Variants in ZDHHC14 observed in about 807,000 individuals in gnomAD.
The protein encoded by ZDHHC14 is zDHHC palmitoyltransferase 14, also known as palmitoyltransferase ZDHHC14.
ZDHHC14 carries 16 observed loss-of-function variants against 47.7 expected under a neutral mutation model. That is an observed-to-expected ratio of 0.34 (90% confidence interval 0.23 to 0.51). ZDHHC14 has a LOEUF of 0.51. Ranked by LOEUF, ZDHHC14 falls within the 20% of genes least tolerant of loss-of-function variation. ZDHHC14 has a pLI of 0.97. For synonymous variants in ZDHHC14, 293 were observed against 278.9 expected, an observed-to-expected ratio of 1.05 and a Z score of -0.50; for missense variants, 515 against 662.5, an observed-to-expected ratio of 0.78 and a Z score of 2.44.
Position 157,504,707 on chromosome 6 carries a change from G to C in ZDHHC14, c.246-37878G>C, listed in dbSNP as rs531763302. ...GTTACAGGCGTGAGCCACCGCGCCC[G>C]GCCTGCATGGGCATATCTTAAAAAC... On this transcript the variant is annotated intron_variant, in intron 1 of 8. Transcript: ENST00000359775. 5.9e-5 allele frequency among the ~76,000 whole-genome samples: 9 copies of C among 151,878 alleles called. No individual in the cohort carries two copies. The East Asian group carries it at 1.7e-3, about 29-fold the overall frequency.
chr6:157,465,624 C>T (rs1583670505), intron 1 of ZDHHC14, among the ~76,000 whole-genome samples: 1 of 152,088 alleles, frequency 6.6e-6, no homozygotes, highest in South Asian at 2.1e-4. Flanking sequence ...AAGAAATCTT[C>T]AAGGTCAGTC....
chr6:157,415,817 T>C (rs1777962404), intron 1 of ZDHHC14, among the ~76,000 whole-genome samples: 1 of 150,910 alleles, frequency 6.6e-6, no homozygotes, highest in Non-Finnish European at 1.5e-5. Context: ...GAGATTGCCG[T>C]GAGCCGAGAT....
chr6:157,509,692 G>A (rs2114747408), intron 1 of ZDHHC14, among the ~76,000 whole-genome samples: 2 of 152,310 alleles, frequency 1.3e-5, no homozygotes, highest in South Asian at 4.1e-4. Flanking sequence ...TGTGAAAGGT[G>A]CAAAACTGCC....
At chr6:157,667,748 G>A (rs1368813831) in intron 8 of ZDHHC14, among the ~76,000 whole-genome samples, 3 of 152,118 alleles carry the variant, frequency 2.0e-5, no homozygotes, top group Non-Finnish European at 2.9e-5. Context: ...TGAACCCATC[G>A]CCCTTGGAAT....
chr6:157,579,203 T>TTTG (rs1783424942), intron 2 of ZDHHC14, among the ~76,000 whole-genome samples: 5 of 128,086 alleles, frequency 3.9e-5, no homozygotes, highest in Non-Finnish European at 8.0e-5. Context: ...TTTTTTTTTT[T>TTTG]TTTTTTTTTT....
intron 2 of ZDHHC14, among the ~76,000 whole-genome samples, chr6:157,574,004 G>A (rs1022309726): frequency 1.8e-4 from 27 of 152,020 alleles, no homozygotes; most frequent in African/African-American, 6.5e-4. Context: ...GGCCTCGGCT[G>A]TGCTAATGCT....
At chr6:157,579,996 C>A (rs1187120897) in intron 2 of ZDHHC14, among the ~76,000 whole-genome samples, 1 of 152,108 alleles carries the variant, frequency 6.6e-6, no homozygotes, top group Non-Finnish European at 1.5e-5. Flanking sequence ...TAGCTTTTGC[C>A]CATTCAGTAT....
intron 1 of ZDHHC14, among the ~76,000 whole-genome samples, chr6:157,497,293 T>G (rs1383246677): frequency 6.6e-6 from 1 of 152,184 alleles, no homozygotes; most frequent in Non-Finnish European, 1.5e-5. Flanking sequence ...GGTGGAGCTT[T>G]GAGGGGCTTT....
At chr6:157,555,315 A>G (rs1782414300) in intron 2 of ZDHHC14, among the ~76,000 whole-genome samples, 1 of 152,200 alleles carries the variant, frequency 6.6e-6, no homozygotes, top group Admixed American at 6.5e-5. Flanking sequence ...TTGTCTGCGT[A>G]ATCAGGGCTG....
At chr6:157,590,018 A>G (rs1339276148) in intron 2 of ZDHHC14, among the ~76,000 whole-genome samples, 1 of 152,240 alleles carries the variant, frequency 6.6e-6, no homozygotes, top group Non-Finnish European at 1.5e-5. Flanking sequence ...GACTCTTGTT[A>G]TGATATAGCA....
intron 1 of ZDHHC14, among the ~76,000 whole-genome samples, chr6:157,513,957 A>G (rs1005841645): frequency 6.6e-6 from 1 of 152,090 alleles, no homozygotes; most frequent in Non-Finnish European, 1.5e-5. Flanking sequence ...TCCCCTTGTC[A>G]GTGGCCTTCA....
intron 1 of ZDHHC14, among the ~76,000 whole-genome samples, chr6:157,386,057 G>T (rs1583600949): frequency 6.6e-6 from 1 of 152,138 alleles, no homozygotes; most frequent in East Asian, 1.9e-4. Context: ...CATAGCAAGG[G>T]CTCAATAAAT....
At chr6:157,488,788 C>T (rs939619089) in intron 1 of ZDHHC14, among the ~76,000 whole-genome samples, 9 of 152,224 alleles carry the variant, frequency 5.9e-5, no homozygotes, top group South Asian at 2.1e-4. Context: ...AGAGCATACA[C>T]GTTTGCATGA....
intron 1 of ZDHHC14, among the ~76,000 whole-genome samples, chr6:157,469,595 G>A (rs1226845620): frequency 6.6e-6 from 1 of 152,090 alleles, no homozygotes; most frequent in African/African-American, 2.4e-5. Context: ...GGTCAGCCTG[G>A]GATTCTGCCC....
intron 3 of ZDHHC14, among the ~76,000 whole-genome samples, chr6:157,621,310 C>T (rs1038214224): frequency 2.0e-5 from 3 of 152,068 alleles, no homozygotes; most frequent in Admixed American, 6.5e-5. Flanking sequence ...TGGAATATAC[C>T]TCATAGGGCA....
chr6:157,534,587 TCA>T (rs1781476349), intron 1 of ZDHHC14, among the ~76,000 whole-genome samples: 1 of 146,260 alleles, frequency 6.8e-6, no homozygotes, highest in African/African-American at 2.6e-5. Context: ...TCATTTCATT[TCA>T]TTTCATTTCA....
chr6:157,635,258 G>T (rs559466265), intron 5 of ZDHHC14, among the ~76,000 whole-genome samples: 1 of 152,312 alleles, frequency 6.6e-6, no homozygotes, highest in East Asian at 1.9e-4. Flanking sequence ...CTCCCAAAGT[G>T]TTGGGATTAC....
intron 2 of ZDHHC14, among the ~76,000 whole-genome samples, chr6:157,568,712 C>T (rs1048366444): frequency 1.3e-5 from 2 of 152,096 alleles, no homozygotes; most frequent in African/African-American, 2.4e-5. Context: ...CTAACTTGTT[C>T]CCCCTAAGGC....
At chr6:157,383,277 CT>C in intron 1 of ZDHHC14, among the ~76,000 whole-genome samples, 1 of 152,260 alleles carries the variant, frequency 6.6e-6, no homozygotes, top group East Asian at 1.9e-4. Flanking sequence ...GGTGGAGTTA[CT>C]TTTTTCCCCT....
Sources: gnomAD v4.1 joint callset for allele counts (sites outside exome capture counted in the v4.1 genomes callset) on GRCh38, gnomAD v4.1.1 for gene constraint, MANE v1.5 for transcripts, NCBI Gene and HGNC (gene_info 2026-07-23, HGNC 2026-07-21) for gene names.